PDZD4: variants seen among roughly 807,000 people sequenced by gnomAD.
PDZD4 encodes the protein PDZ domain containing 4, also known as PDZ domain-containing protein 4.
A neutral mutation model predicts 38.5 loss-of-function variants in PDZD4; 9 were observed. The ratio of observed to expected loss-of-function variants is 0.23; its 90% CI spans 0.14 to 0.41. The LOEUF (loss-of-function observed/expected upper bound fraction) is 0.41, where lower values mean the gene tolerates loss of function less well. Among genes scored for constraint, PDZD4 ranks in the 10% least tolerant of loss-of-function variants. The probability of loss-of-function intolerance (pLI) is 1.00; values close to 1 mark genes in which losing one functional copy is unlikely to be tolerated. For missense variants in PDZD4, 612 were observed against 722.0 expected (o/e 0.85, Z 1.75); for synonymous variants, 349 against 315.7 (o/e 1.11, Z -1.12).
At chrX:153,806,217 A>G (rs1415022360) in intron 4 of PDZD4, 84 bp from the exon 5 acceptor site, 24 of 936,101 alleles carry the variant, frequency 2.6e-5, no homozygotes, top group Non-Finnish European at 3.6e-5. Flanking sequence ...GGGGCCCCCA[A>G]AGCAAGCTGA....
At position 153,806,783 on chromosome X, in the gene PDZD4, G is replaced by A. The variant is rs1557077224; in HGVS notation, c.463C>T (p.Arg155Cys). Residue 155 changes from arginine to cysteine, a missense_variant, in exon 4 of 8, where the codon CGC becomes TGC. Transcript: ENST00000393758. Reference sequence around the variant, plus strand: ...CCCAGGTCCTCCTCGTCGTCCGTGCGGTAGCAAACCATCAGGCCCAGCTTG... The same window carrying A: ...CCCAGGTCCTCCTCGTCGTCCGTGCAGTAGCAAACCATCAGGCCCAGCTTG... ...RDKLGLMVCY[R>C]TDDEEDLGIY... The A allele has an allele frequency of 9.1e-6, 11 of 1,209,316 alleles. No individual in the cohort carries two copies. Among genetic ancestry groups the A allele is most frequent in the East Asian group, 3.0e-5 (1 of 33,738 alleles).
intron 1 of PDZD4, among the ~76,000 whole-genome samples, chrX:153,818,901 G>A (rs1183636680): frequency 2.7e-5 from 3 of 111,484 alleles, no homozygotes; most frequent in Non-Finnish European, 5.7e-5. Context: ...CACAGGGACA[G>A]GGGAGGGGGC....
chrX:153,808,159 G>A (rs1388674850), intron 2 of PDZD4, 183 bp downstream of exon 2: 1 of 1,074,960 alleles, frequency 9.3e-7, no homozygotes, highest in African/African-American at 1.9e-5. Flanking sequence ...GATACAACGG[G>A]GCGCCTGCTG....
At chrX:153,806,194 C>A (rs1000424478) in intron 4 of PDZD4, 61 bp from the exon 5 acceptor site, 10 of 1,129,554 alleles carry the variant, frequency 8.9e-6, no homozygotes, top group African/African-American at 1.8e-5. Context: ...TAGAAGGGGG[C>A]AGGCTCACCT....
At position 153,804,546 on chromosome X, in the gene PDZD4, G is replaced by C. The variant is rs782655799; in HGVS notation, c.1135C>G (p.Leu379Val). Residue 379 changes from leucine to valine, a missense_variant, in exon 8 of 8, where the codon CTG becomes GTG. Transcript: ENST00000393758. ...IKCHLENGNQLGLLFPRASGG... is the reference protein window; with the variant it reads ...IKCHLENGNQVGLLFPRASGG... The stretch of plus-strand genomic sequence containing the variant: ...GAGGCCCGGGGAAAGAGGAGGCCCA[G>C]CTGGTTGCCGTTCTCCAGGTGGCAC... 1 of 1,209,694 alleles carries C rather than the reference G, an allele frequency of 8.3e-7. No individual in the cohort carries two copies. Among genetic ancestry groups the C allele is most frequent in the South Asian group, 1.8e-5 (1 of 57,001 alleles).
chrX:153,802,516 G>A lies in PDZD4; in HGVS notation c.*837C>T, dbSNP rs1557074907. On this transcript the variant is annotated 3_prime_UTR_variant, in exon 8 of 8. Transcript: ENST00000393758. The stretch of plus-strand genomic sequence containing the variant: ...CCTGCTCCAGATGGTGTGGGGCGCA[G>A]AACGGGCTCTGTGACTTCTTGGTGG... The A allele has an allele frequency of 9.0e-6, 1 of 111,492 alleles. No individual in the cohort carries two copies. Among genetic ancestry groups the A allele is most frequent in the Non-Finnish European group, 1.9e-5 (1 of 52,894 alleles). The allele number at this position is 111,492 out of a possible 1,213,427, so 9.2% of individuals were successfully genotyped here.
chrX:153,823,631 C>T (rs2064450537), intron 1 of PDZD4, among the ~76,000 whole-genome samples: 1 of 112,443 alleles, frequency 8.9e-6, no homozygotes, highest in African/African-American at 3.2e-5. Context: ...GGATTACAGG[C>T]GTGAGCCACC....
chrX:153,816,601 AC>A (rs1294891068), intron 1 of PDZD4, among the ~76,000 whole-genome samples: 1 of 109,814 alleles, frequency 9.1e-6, no homozygotes, highest in African/African-American at 3.3e-5. Flanking sequence ...TCCAGAACAC[AC>A]CCCCCATCCC....
In PDZD4 at chrX:153,803,719, G is replaced by A; in HGVS notation, c.1962C>T (p.Ala654=). 8.3e-7 allele frequency: 1 copy of A among 1,210,124 alleles called. No homozygotes were observed. Among genetic ancestry groups the A allele is most frequent in the Non-Finnish European group, 1.1e-6 (1 of 895,527 alleles). Residue 654 remains alanine, a synonymous_variant, in exon 8 of 8, where the codon GCC becomes GCT. Coordinates refer to ENST00000393758, the MANE Select transcript of PDZD4 (RefSeq NM_001303512.2). ...KRPVRDRLLK[A]RALKIREERS... is the part of the protein sequence containing the mutation. ...GCTCCTCCCGGATCTTCAGGGCACGGGCTTTCAGCAGCCGATCTCGCACGG... is the reference window on the plus strand; with the variant it reads ...GCTCCTCCCGGATCTTCAGGGCACGAGCTTTCAGCAGCCGATCTCGCACGG...
chrX:153,802,454 T>G lies in PDZD4; in HGVS notation c.*899A>C, dbSNP rs1412191995. The stretch of plus-strand genomic sequence containing the variant: ...GGCTTGGTTTCTAGAGCCCTCACCA[T>G]CTAAGCACCTTCCTCAGTTCACTCA... On this transcript the variant is annotated 3_prime_UTR_variant, in exon 8 of 8. Coordinates refer to ENST00000393758, the MANE Select transcript of PDZD4 (RefSeq NM_001303512.2). 2.7e-5 allele frequency: 3 copies of G among 111,342 alleles called. No homozygotes were observed. Among genetic ancestry groups the G allele is most frequent in the Non-Finnish European group, 5.7e-5 (3 of 52,892 alleles). 9.2% of individuals were successfully genotyped at this position (111,342 alleles called of 1,213,427 possible). A position where few individuals can be genotyped will look rare whatever the true frequency, so the allele number is the denominator to read the frequency against.
intron 1 of PDZD4, among the ~76,000 whole-genome samples, chrX:153,812,128 C>T (rs2064315941): frequency 9.1e-6 from 1 of 109,784 alleles, no homozygotes; most frequent in Non-Finnish European, 1.9e-5. Flanking sequence ...ACTATGTGTG[C>T]ATTCCCCCAA....
At chrX:153,808,642 TCCC>T in intron 1 of PDZD4, 47 bp from the exon 2 acceptor site, 1 of 1,105,588 alleles carries the variant, frequency 9.0e-7, no homozygotes. Context: ...GGCTTGCTCC[TCCC>T]CTCTGAGGTC....
rs1212303387 is a variant in PDZD4 at position 153,830,150 on chromosome X, C to T, written c.60+89G>A. 5.5e-6 allele frequency: 5 copies of T among 901,050 alleles called. No individual in the cohort carries two copies. The African/African-American group carries it at 1.1e-4, about 19-fold the overall frequency. The allele number at this position is 901,050 out of a possible 1,213,427, so 74.3% of individuals were successfully genotyped here. ...ACCTTGTCCTCCTCGAGCCCTCCCG[C>T]TCTCCCACGCCCGCCGCTCCGGGCC... On this transcript the variant is annotated intron_variant, in intron 1 of 7. Coordinates refer to ENST00000393758, the MANE Select transcript of PDZD4 (RefSeq NM_001303512.2).
In PDZD4 at chrX:153,808,291, G is replaced by A. The variant is rs191040748; in HGVS notation, c.314+51C>T. 2.4e-4 allele frequency: 281 copies of A among 1,157,788 alleles called. No homozygotes were observed. In the African/African-American group the frequency reaches 4.2e-3, roughly 17 times the overall value. Reference sequence around the variant, plus strand: ...TGGCGTGCGGATGGCCGCTCCAGGTGGCCTGTCCTCTCTGGAGGCAGGGCC... The same window carrying A: ...TGGCGTGCGGATGGCCGCTCCAGGTAGCCTGTCCTCTCTGGAGGCAGGGCC... On this transcript the variant is annotated intron_variant, in intron 2 of 7. Coordinates refer to ENST00000393758, the MANE Select transcript of PDZD4 (RefSeq NM_001303512.2).
intron 1 of PDZD4, among the ~76,000 whole-genome samples, chrX:153,814,177 T>C (rs782687943): frequency 1.2e-4 from 13 of 110,975 alleles, no homozygotes; most frequent in African/African-American, 3.9e-4. Flanking sequence ...CGGACTCTAC[T>C]AAAAATACAA....
At chrX:153,810,980 C>A (rs1569543425) in intron 1 of PDZD4, among the ~76,000 whole-genome samples, 1 of 111,587 alleles carries the variant, frequency 9.0e-6, no homozygotes, top group African/African-American at 3.3e-5. Context: ...TTTTTGGGGG[C>A]TTTTTTTTGT....
intron 1 of PDZD4, among the ~76,000 whole-genome samples, chrX:153,820,346 T>C (rs1342235267): frequency 7.1e-5 from 3 of 42,107 alleles, no homozygotes; most frequent in Non-Finnish European, 8.0e-5. Context: ...CAAGACTCCA[T>C]CTCAAAAAAA....
chrX:153,805,023 C>G, intron 7 of PDZD4, 74 bp downstream of exon 7: 1 of 1,134,717 alleles, frequency 8.8e-7, no homozygotes, highest in African/African-American at 1.8e-5. Flanking sequence ...TTGGGAGACC[C>G]TGCACAGCCT....
At chrX:153,820,961 C>T (rs193110533) in intron 1 of PDZD4, among the ~76,000 whole-genome samples, 7 of 112,382 alleles carry the variant, frequency 6.2e-5, no homozygotes, top group Middle Eastern at 4.6e-3. Context: ...ATATTCTGTC[C>T]CCAACGACCT....
Sources: allele counts gnomAD v4.1 joint callset (sites outside exome capture counted in the v4.1 genomes callset), GRCh38; gene constraint gnomAD v4.1.1; transcripts MANE v1.5; gene names NCBI Gene and HGNC (gene_info 2026-07-23, HGNC 2026-07-21).